BRI3: variants seen among roughly 807,000 people sequenced by gnomAD.
BRI3 encodes brain protein I3, also known as membrane protein BRI3.
BRI3 carries 6 observed loss-of-function variants against 12.8 expected under a neutral mutation model. The ratio of observed to expected loss-of-function variants is 0.47; its 90% CI spans 0.26 to 0.93. The LOEUF (loss-of-function observed/expected upper bound fraction) is 0.93, where lower values mean the gene tolerates loss of function less well. Ranked by LOEUF, BRI3 falls within the 40% of genes least tolerant of loss-of-function variation. The pLI is 0.15. For missense variants in BRI3, 134 were observed against 171.1 expected, an observed-to-expected ratio of 0.78 and a Z score of 1.21; for synonymous variants, 91 against 76.1, an observed-to-expected ratio of 1.20 and a Z score of -1.02.
chr7:98,308,360 C>T (rs986218233), exon 2 of BRI3: 2 of 445,542 alleles, frequency 4.5e-6, no homozygotes, highest in African/African-American at 2.0e-5. Flanking sequence ...CCATGCTGGC[C>T]GCTCAGCTTC....
At chr7:98,305,462 G>A (rs1456213820), upstream of BRI3, among the ~76,000 whole-genome samples, 3 of 152,142 alleles carry the variant, frequency 2.0e-5, no homozygotes, top group Non-Finnish European at 1.5e-5. Flanking sequence ...GGAATGCAAC[G>A]TCGGACCTGG....
At chr7:98,291,085 A>G (rs780656170) in intron 2 of BRI3, 26 bp from the exon 3 acceptor site, 1 of 1,613,292 alleles carries the variant, frequency 6.2e-7, no homozygotes. Context: ...TTACGGTGCC[A>G]CCCTCTCTGC....
chr7:98,282,645 C>T (rs764136059), intron 2 of BRI3, 192 bp downstream of exon 2: 212 of 573,006 alleles, frequency 3.7e-4, no homozygotes, highest in Non-Finnish European at 5.2e-4. Flanking sequence ...TCACCCTTGG[C>T]TCTGAACACA....
At chr7:98,293,488 C>T (rs776291822), downstream of BRI3, 77 of 1,593,944 alleles carry the variant, frequency 4.8e-5, no homozygotes, top group East Asian at 8.9e-5. Flanking sequence ...AAGGGAGAAC[C>T]GGAGAGGCCC....
Position 98,282,448 on chromosome 7 carries a change from C to T in BRI3, c.240C>T (p.Val80=), listed in dbSNP as rs1339807986. 4.3e-6 allele frequency: 7 copies of T among 1,613,740 alleles called. No homozygotes were observed. The highest frequency in any genetic ancestry group is 1.7e-4 in the Middle Eastern group (1 of 6,060). The part of the protein sequence containing the change: ...NSIVVVGGCP[V]CRVGVLEDCF... ...TCGTGGTCGTAGGAGGCTGTCCTGT[C>T]TGCAGGTGAGTGGGTCTGCAGCCTG... Residue 80 remains valine, a synonymous_variant, in exon 2 of 3, where the codon GTC becomes GTT. Transcript: ENST00000297290.
rs1799520095 is a variant in BRI3, at chr7:98,281,719, C to T, written c.-77C>T. On this transcript the variant is annotated 5_prime_UTR_variant, in exon 1 of 3. Coordinates refer to ENST00000297290, the MANE Select transcript of BRI3 (RefSeq NM_015379.5). ...CCGAGCCACCCGGTCCGCCGCGTCCCCGCCGCCGCCGCCGCGTCCCCCGCC... is the reference window on the plus strand; with the variant it reads ...CCGAGCCACCCGGTCCGCCGCGTCCTCGCCGCCGCCGCCGCGTCCCCCGCC... 4.0e-6 allele frequency: 2 copies of T among 501,960 alleles called. No individual in the cohort carries two copies. Among genetic ancestry groups the T allele is most frequent in the African/African-American group, 2.1e-5 (1 of 47,328 alleles). 31.1% of individuals were successfully genotyped at this position (501,960 alleles called of 1,614,324 possible). A position where few individuals can be genotyped will look rare whatever the true frequency, so the allele number is the denominator to read the frequency against.
rs1584418109 is a variant in BRI3, at chr7:98,299,404, C to T, written c.72-7079C>T. On this transcript the variant is annotated intron_variant and NMD_transcript_variant, in intron 1 of 2. Coordinates refer to the BRI3 transcript ENST00000491463. Reference sequence around the variant, plus strand: ...AACTCCTAGGCTCAAATGATCCTCCCGCCTCGGCCTCCCAAAGTGCTGGGA... The same window carrying T: ...AACTCCTAGGCTCAAATGATCCTCCTGCCTCGGCCTCCCAAAGTGCTGGGA... Among the ~76,000 whole-genome samples the T allele has an allele frequency of 4.6e-5, 7 of 151,892 alleles. No individual in the cohort carries two copies. The South Asian group carries it at 1.3e-3, about 27-fold the overall frequency.
At position 98,291,238 on chromosome 7, in the gene BRI3, G is replaced by T. The variant is rs143355417; in HGVS notation, c.373G>T (p.Ala125Ser). The stretch of plus-strand genomic sequence containing the variant: ...ATGCCCCAACTGTGGAGCCACCTTC[G>T]CTTAAAGGGAACACCAGGCCCGGCT... The part of the protein sequence containing the change: ...RRCPNCGATF[A>S] Residue 125 changes from alanine to serine, a missense_variant, in exon 3 of 3, where the codon GCT becomes TCT. Coordinates refer to ENST00000297290, the MANE Select transcript of BRI3 (RefSeq NM_015379.5). 1 of 1,613,022 alleles carries T rather than the reference G, an allele frequency of 6.2e-7. No individual in the cohort carries two copies. Among genetic ancestry groups the T allele is most frequent in the South Asian group, 1.1e-5 (1 of 91,030 alleles).
At chr7:98,312,618 C>T (rs1800913358), downstream of BRI3, among the ~76,000 whole-genome samples, 1 of 152,198 alleles carries the variant, frequency 6.6e-6, no homozygotes, top group Admixed American at 6.5e-5. Flanking sequence ...AAACGCCAAC[C>T]ATCACTTTCT....
chr7:98,313,982 C>T (rs868222118), downstream of BRI3, among the ~76,000 whole-genome samples: 42 of 100,970 alleles, frequency 4.2e-4, no homozygotes, highest in Middle Eastern at 0.01. Flanking sequence ...CTTTTTCTTC[C>T]TTTTTTTTTT....
chr7:98,291,981 G>A (rs1584403118), downstream of BRI3: 1 of 152,876 alleles, frequency 6.5e-6, no homozygotes, highest in African/African-American at 2.4e-5. Flanking sequence ...GAATTCTCAT[G>A]TGGCTGCAGC....
At chr7:98,290,850 C>T (rs909360059) in intron 2 of BRI3, among the ~76,000 whole-genome samples, 1 of 152,232 alleles carries the variant, frequency 6.6e-6, no homozygotes, top group African/African-American at 2.4e-5. Flanking sequence ...TTATTCTTCC[C>T]GTTTTCTTTG....
At chr7:98,290,410 T>C (rs1188275513) in intron 2 of BRI3, among the ~76,000 whole-genome samples, 1 of 151,608 alleles carries the variant, frequency 6.6e-6, no homozygotes, top group African/African-American at 2.4e-5. Flanking sequence ...TTAGCCAGGA[T>C]GGTCTCGATC....
At chr7:98,284,828 T>TCCCACCCTCCTGCTTCA (rs1799657784) in intron 2 of BRI3, among the ~76,000 whole-genome samples, 5 of 152,174 alleles carry the variant, frequency 3.3e-5, no homozygotes, top group Admixed American at 2.6e-4. Context: ...TCCCTGCTCC[T>TCCCACCCTCCTGCTTCA]CCCACCCTCC....
At chr7:98,292,360 C>A (rs558950897), downstream of BRI3, 8 of 418,966 alleles carry the variant, frequency 1.9e-5, no homozygotes, top group Non-Finnish European at 3.5e-5. Context: ...TGGCGCCCAC[C>A]ACCACACCTG....
downstream of BRI3, among the ~76,000 whole-genome samples, chr7:98,294,626 G>A (rs778179599): frequency 2.0e-5 from 3 of 152,174 alleles, no homozygotes; most frequent in African/African-American, 2.4e-5. Flanking sequence ...TCTCAGACTC[G>A]GGGCAAACAG....
upstream of BRI3, among the ~76,000 whole-genome samples, chr7:98,303,739 C>T (rs536022036): frequency 1.3e-5 from 2 of 152,094 alleles, no homozygotes; most frequent in African/African-American, 4.8e-5. Context: ...CCCTAAACGC[C>T]GTGCCTAGAA....
chr7:98,319,111 G>A, the BRI3 span, among the ~76,000 whole-genome samples: 22 of 152,272 alleles, frequency 1.4e-4, no homozygotes, highest in Non-Finnish European at 2.6e-4. Flanking sequence ...TCACGAGGAC[G>A]ACAGGGGAGG....
At chr7:98,301,820 G>A (rs879774639), upstream of BRI3, among the ~76,000 whole-genome samples, 2 of 152,162 alleles carry the variant, frequency 1.3e-5, no homozygotes, top group African/African-American at 4.8e-5. Context: ...TGAAGCTCGC[G>A]GGTGTGAGCT....
Sources: allele counts gnomAD v4.1 joint callset (sites outside exome capture counted in the v4.1 genomes callset), GRCh38; gene constraint gnomAD v4.1.1; transcripts MANE v1.5; gene names NCBI Gene and HGNC (gene_info 2026-07-23, HGNC 2026-07-21).